EGFLAM: variants seen among roughly 807,000 people sequenced by gnomAD.
The protein encoded by EGFLAM is EGF like, fibronectin type III and laminin G domains.
A neutral mutation model predicts 113.1 loss-of-function variants in EGFLAM; 79 were observed. That is an observed-to-expected ratio of 0.70 (90% confidence interval 0.58 to 0.84). The LOEUF is 0.84. Ranked by LOEUF, EGFLAM falls within the 40% of genes least tolerant of loss-of-function variation. The pLI, the probability that EGFLAM is intolerant of heterozygous loss-of-function variation, is 0.00. For missense variants in EGFLAM, 1,265 were observed against 1,291.6 expected, an observed-to-expected ratio of 0.98 and a Z score of 0.32; for synonymous variants, 504 against 487.6, an observed-to-expected ratio of 1.03 and a Z score of -0.44.
intron 4 of EGFLAM, among the ~76,000 whole-genome samples, chr5:38,351,467 T>G (rs1486645565): frequency 6.6e-6 from 1 of 152,194 alleles, no homozygotes; most frequent in East Asian, 1.9e-4. Context: ...GCGCACTTCC[T>G]CTGCCCCAGC....
intron 2 of EGFLAM, 99 bp from the exon 3 acceptor site, chr5:38,338,580 TGCACGTGATGTTAGGCAAC>T: frequency 1.1e-6 from 1 of 893,240 alleles, no homozygotes; most frequent in South Asian, 1.5e-5. Flanking sequence ...GCAGAACTAG[TGCACGTGATGTTAGGCAAC>T]GCACCTCAGA....
intron 1 of EGFLAM, among the ~76,000 whole-genome samples, chr5:38,303,798 G>A (rs1482670111): frequency 1.3e-5 from 2 of 151,980 alleles, no homozygotes; most frequent in Non-Finnish European, 2.9e-5. Context: ...ATTTCAAAAC[G>A]GAAGGTAGAT....
Position 38,315,601 on chromosome 5 carries a change from C to T in EGFLAM, c.98-21919C>T, listed in dbSNP as rs528450267. On this transcript the variant is annotated intron_variant, in intron 1 of 21. Coordinates refer to ENST00000322350, the MANE Select transcript of EGFLAM (RefSeq NM_152403.4). ...AAGCTTGAGAGGAAATTGGTGTCCT[C>T]CCCAACAAGAGAGAGCACTAAAGAG... is the stretch of plus-strand genomic sequence containing the variant. Among the ~76,000 whole-genome samples, 8 of 152,264 alleles carry T rather than the reference C, an allele frequency of 5.3e-5. No homozygotes were observed. The South Asian group carries it at 6.2e-4, about 12-fold the overall frequency.
At chr5:38,461,186 A>G (rs1485248682) in intron 20 of EGFLAM, 1 of 152,196 alleles carries the variant, frequency 6.6e-6, no homozygotes. Flanking sequence ...TTCCCATCTT[A>G]GGTGAGGATG....
chr5:38,406,867 T>C lies in EGFLAM; in HGVS notation c.868T>C (p.Phe290Leu). The C allele has an allele frequency of 1.2e-6, 2 of 1,614,084 alleles. No homozygotes were observed. The highest frequency in any genetic ancestry group is 1.1e-5 in the South Asian group (1 of 91,082). The part of the protein sequence containing the change: ...LPATKGGNKK[F>L]LVESKKMSIS... Reference sequence around the variant, plus strand: ...TGCTACCAAAGGAGGGAATAAGAAATTTTTGGTGGAAAGCAAGAAGATGTC... The same window carrying C: ...TGCTACCAAAGGAGGGAATAAGAAACTTTTGGTGGAAAGCAAGAAGATGTC... The change falls in exon 8 of 22, where the codon TTT becomes CTT. Residue 290 changes from phenylalanine (F) to leucine (L), a missense_variant. Coordinates refer to ENST00000322350, the MANE Select transcript of EGFLAM (RefSeq NM_152403.4).
In EGFLAM at chr5:38,464,086, G is replaced by T; in HGVS notation, c.*100G>T. The T allele has an allele frequency of 6.8e-7, 1 of 1,461,652 alleles. No individual in the cohort carries two copies. The highest frequency in any genetic ancestry group is 2.1e-5 in the Admixed American group (1 of 47,882). 90.5% of individuals were successfully genotyped at this position (1,461,652 alleles called of 1,614,324 possible). A position where few individuals can be genotyped will look rare whatever the true frequency, so the allele number is the denominator to read the frequency against. ...CTATATGCAGAGGCCCAGGGACCAG[G>T]TGTGTTTCCTCTCACCAAGAAGAAA... On this transcript the variant is annotated 3_prime_UTR_variant, in exon 22 of 22. Transcript: ENST00000322350.
intron 1 of EGFLAM, among the ~76,000 whole-genome samples, chr5:38,331,022 A>G (rs1171846668): frequency 6.6e-6 from 1 of 152,246 alleles, no homozygotes; most frequent in Non-Finnish European, 1.5e-5. Flanking sequence ...ATACTTGAAA[A>G]TAGGAAGAAA....
chr5:38,433,439 C>T (rs899601884), intron 15 of EGFLAM, among the ~76,000 whole-genome samples: 19 of 152,184 alleles, frequency 1.2e-4, no homozygotes. Context: ...GATCCAGACA[C>T]AAAACCCCTC....
At chr5:38,451,242 A>G in intron 18 of EGFLAM, 73 bp from the exon 19 acceptor site, 2 of 1,573,076 alleles carry the variant, frequency 1.3e-6, no homozygotes, top group South Asian at 1.2e-5. Context: ...CAGGGCTGGC[A>G]GACAAAACTG....
chr5:38,458,616 A>G (rs1240744642), intron 20 of EGFLAM, among the ~76,000 whole-genome samples: 3 of 152,204 alleles, frequency 2.0e-5, no homozygotes, highest in Non-Finnish European at 4.4e-5. Context: ...ATTAAGCAGT[A>G]ACCTTCTGGA....
chr5:38,417,929 T>C, intron 11 of EGFLAM, 137 bp from the exon 12 acceptor site: 1 of 896,182 alleles, frequency 1.1e-6, no homozygotes, highest in Non-Finnish European at 1.6e-6. Flanking sequence ...AGGCAAGGTC[T>C]TAAAGATAAA....
intron 6 of EGFLAM, among the ~76,000 whole-genome samples, chr5:38,405,015 C>A (rs947456683): frequency 2.6e-5 from 4 of 152,160 alleles, no homozygotes; most frequent in African/African-American, 9.7e-5. Context: ...TTCTCACCCA[C>A]CTTTCAGTTC....
At chr5:38,329,661 C>T (rs1042604802) in intron 1 of EGFLAM, among the ~76,000 whole-genome samples, 7 of 152,146 alleles carry the variant, frequency 4.6e-5, no homozygotes, top group African/African-American at 1.7e-4. Context: ...GGTTCGTCCC[C>T]CAGTTCTTTG....
intron 1 of EGFLAM, among the ~76,000 whole-genome samples, chr5:38,272,924 A>G (rs1032954158): frequency 6.6e-6 from 1 of 152,212 alleles, no homozygotes; most frequent in African/African-American, 2.4e-5. Context: ...AAAAAATAAG[A>G]TTTAGAAGAG....
intron 10 of EGFLAM, 109 bp from the exon 11 acceptor site, chr5:38,412,395 C>A: frequency 6.5e-7 from 1 of 1,527,862 alleles, no homozygotes. Flanking sequence ...TGACTCTGAA[C>A]AGACTGACTC....
chr5:38,291,873 C>T (rs535055443), intron 1 of EGFLAM, among the ~76,000 whole-genome samples: 6 of 152,338 alleles, frequency 3.9e-5, no homozygotes, highest in South Asian at 2.1e-4. Flanking sequence ...GGCTCTTCCT[C>T]GCTTACATGT....
intron 1 of EGFLAM, among the ~76,000 whole-genome samples, chr5:38,335,896 G>A (rs994736398): frequency 6.6e-6 from 1 of 152,160 alleles, no homozygotes; most frequent in Non-Finnish European, 1.5e-5. Flanking sequence ...ACATGCAATA[G>A]TTAAAAAGAA....
chr5:38,389,831 C>G (rs1173476734), intron 6 of EGFLAM, among the ~76,000 whole-genome samples: 1 of 152,134 alleles, frequency 6.6e-6, no homozygotes, highest in Non-Finnish European at 1.5e-5. Context: ...TTTTACTTAG[C>G]ATTCTGACAG....
chr5:38,263,090 T>A (rs1428494571), intron 1 of EGFLAM, among the ~76,000 whole-genome samples: 3 of 152,040 alleles, frequency 2.0e-5, no homozygotes, highest in Admixed American at 1.3e-4. Flanking sequence ...CTAATTATAT[T>A]GAACATTTAA....
Sources: allele counts gnomAD v4.1 joint callset (sites outside exome capture counted in the v4.1 genomes callset), GRCh38; gene constraint gnomAD v4.1.1; transcripts MANE v1.5; gene names NCBI Gene and HGNC (gene_info 2026-07-23, HGNC 2026-07-21).